GPX7: variants seen among roughly 807,000 people sequenced by gnomAD.
GPX7 encodes protein peroxidase GPX7.
In GPX7, 21 loss-of-function variants were observed where a neutral mutation model predicts 23.7. The ratio of observed to expected loss-of-function variants is 0.89; its 90% confidence interval spans 0.63 to 1.28. The LOEUF is 1.28. GPX7 is among the 50% of genes most tolerant of loss of function. The pLI, the probability that GPX7 is intolerant of heterozygous loss-of-function variation, is 0.00. For missense variants in GPX7, 238 were observed against 237.3 expected (o/e 1.00, Z -0.02); for synonymous variants, 112 against 101.8 (o/e 1.10, Z -0.61).
Position 52,602,428 on chromosome 1 carries a change from G to C in GPX7, c.19G>C (p.Ala7Pro). 2 of 1,519,388 alleles carry C rather than the reference G, an allele frequency of 1.3e-6. No individual in the cohort carries two copies. Among genetic ancestry groups the C allele is most frequent in the Non-Finnish European group, 1.8e-6 (2 of 1,136,966 alleles). The allele number at this position is 1,519,388 out of a possible 1,614,324, so 94.1% of individuals were successfully genotyped here. A position where few individuals can be genotyped will look rare whatever the true frequency, so the allele number is the denominator to read the frequency against. MVAATV[A>P]AAWLLLWAAA... ...ACAAGCCATGGTGGCGGCGACGGTG[G>C]CAGCGGCGTGGCTGCTCCTGTGGGC... Residue 7 changes from alanine to proline, a missense_variant, in exon 1 of 3, where the codon GCA (alanine) becomes CCA (proline). Coordinates refer to ENST00000361314, the MANE Select transcript of GPX7 (RefSeq NM_015696.5).
At position 52,602,427 on chromosome 1, in the gene GPX7, G is replaced by A; in HGVS notation, c.18G>A (p.Val6=). The A allele has an allele frequency of 1.3e-6, 2 of 1,519,174 alleles. No homozygotes were observed. The highest frequency in any genetic ancestry group is 2.5e-5 in the South Asian group (2 of 80,936). The allele number at this position is 1,519,174 out of a possible 1,614,324, so 94.1% of individuals were successfully genotyped here. Residue 6 remains valine (V), a synonymous_variant, in exon 1 of 3, where the codon GTG becomes GTA. Transcript: ENST00000361314. ...AACAAGCCATGGTGGCGGCGACGGTGGCAGCGGCGTGGCTGCTCCTGTGGG... is the reference window on the plus strand; with the variant it reads ...AACAAGCCATGGTGGCGGCGACGGTAGCAGCGGCGTGGCTGCTCCTGTGGG... MVAAT[V]AAAWLLLWAA...
At chr1:52,602,976 G>A (rs1432515866) in intron 1 of GPX7, among the ~76,000 whole-genome samples, 2 of 151,774 alleles carry the variant, frequency 1.3e-5, no homozygotes, top group Admixed American at 1.3e-4. Flanking sequence ...TGGCTGATTC[G>A]GAGTCCAGTG....
chr1:52,606,836 C>A lies in GPX7; in HGVS notation c.291C>A (p.Asn97Lys). ...NQFGQQEPDS[N>K]KEIESFARRT... ...TTGGCCAACAGGAGCCTGACAGCAA[C>A]AAGGAGATTGAGAGCTTTGCCCGCC... Residue 97 changes from asparagine (N) to lysine (K), a missense_variant, in exon 2 of 3, where the codon AAC becomes AAA. By Grantham distance (94) the Asn-to-Lys change is moderately conservative. Transcript: ENST00000361314. The A allele has an allele frequency of 5.6e-6, 9 of 1,614,224 alleles. No individual in the cohort carries two copies. Among genetic ancestry groups the A allele is most frequent in the Non-Finnish European group, 7.6e-6 (9 of 1,180,044 alleles).
chr1:52,608,626 G>A lies in GPX7; in HGVS notation c.*201G>A. The A allele has an allele frequency of 2.6e-6, 1 of 380,668 alleles. No homozygotes were observed. Among genetic ancestry groups the A allele is most frequent in the Non-Finnish European group, 4.7e-6 (1 of 214,348 alleles). The allele number at this position is 380,668 out of a possible 1,614,324, so 23.6% of individuals were successfully genotyped here. ...TTACAGCAACAAATAGGAACTCCTG[G>A]CCAATGAGAGCTCTTGACCAGTGAA... On this transcript the variant is annotated 3_prime_UTR_variant, in exon 3 of 3. Coordinates refer to ENST00000361314, the MANE Select transcript of GPX7 (RefSeq NM_015696.5).
chr1:52,602,719 C>T (rs1159572942), intron 1 of GPX7, among the ~76,000 whole-genome samples, 172 bp downstream of exon 1: 2 of 150,976 alleles, frequency 1.3e-5, no homozygotes, highest in African/African-American at 2.4e-5. Context: ...TGGCGCGGCG[C>T]CCCCATCCCG....
chr1:52,603,776 A>C (rs547560763), intron 1 of GPX7, among the ~76,000 whole-genome samples: 1 of 152,288 alleles, frequency 6.6e-6, no homozygotes, highest in East Asian at 1.9e-4. Flanking sequence ...CGTGAGTTTC[A>C]AATCAGATGA....
intron 1 of GPX7, among the ~76,000 whole-genome samples, chr1:52,604,830 G>T (rs1355613517): frequency 6.6e-6 from 1 of 152,014 alleles, no homozygotes; most frequent in Non-Finnish European, 1.5e-5. Context: ...GGATCACAAG[G>T]TGAGGAGTTC....
chr1:52,606,704 G>T lies in GPX7; in HGVS notation c.159G>T (p.Val53=). Residue 53 remains valine (V), a synonymous_variant, in exon 2 of 3, where the codon GTG becomes GTT. Transcript: ENST00000361314. ...YRGSVSLVVN[V]ASECGFTDQH... Reference sequence around the variant, plus strand: ...TACAGGTGTCCCTGGTGGTGAATGTGGCCAGCGAGTGCGGCTTCACAGACC... The same window carrying T: ...TACAGGTGTCCCTGGTGGTGAATGTTGCCAGCGAGTGCGGCTTCACAGACC... The T allele has an allele frequency of 6.2e-7, 1 of 1,613,800 alleles. No individual in the cohort carries two copies.
In GPX7 at chr1:52,606,917, T is replaced by A. The variant is rs1041952539; in HGVS notation, c.372T>A (p.Gly124=). 4 of 1,614,212 alleles carry A rather than the reference T, an allele frequency of 2.5e-6. No individual in the cohort carries two copies. Among genetic ancestry groups the A allele is most frequent in the Non-Finnish European group, 3.4e-6 (4 of 1,180,030 alleles). ...GCAAGATTGCAGTCACCGGTACTGG[T>A]GCCCATCCTGCCTTCAAGTACCTGG... is the stretch of plus-strand genomic sequence containing the variant. ...MFSKIAVTGT[G]AHPAFKYLAQ... is the part of the protein sequence containing the mutation. Residue 124 remains glycine, a synonymous_variant, in exon 2 of 3, where the codon GGT becomes GGA. Transcript: ENST00000361314.
In GPX7 at chr1:52,602,390, C is replaced by T; in HGVS notation, c.-20C>T. On this transcript the variant is annotated 5_prime_UTR_variant, in exon 1 of 3. Transcript: ENST00000361314. Reference sequence around the variant, plus strand: ...CGCCCCGTCTTTGCCCTCGCGACGCCGCCACCTCCGGAACAAGCCATGGTG... The same window carrying T: ...CGCCCCGTCTTTGCCCTCGCGACGCTGCCACCTCCGGAACAAGCCATGGTG... The T allele has an allele frequency of 6.8e-7, 1 of 1,460,864 alleles. No homozygotes were observed. Among genetic ancestry groups the T allele is most frequent in the Non-Finnish European group, 9.0e-7 (1 of 1,107,950 alleles). The allele number at this position is 1,460,864 out of a possible 1,614,324, so 90.5% of individuals were successfully genotyped here. A position where few individuals can be genotyped will look rare whatever the true frequency, so the allele number is the denominator to read the frequency against.
At chr1:52,605,002 G>A (rs1432601597) in intron 1 of GPX7, among the ~76,000 whole-genome samples, 2 of 140,454 alleles carry the variant, frequency 1.4e-5, no homozygotes, top group Non-Finnish European at 1.5e-5. Flanking sequence ...CCAAGATCGC[G>A]CCACTGCACT....
At chr1:52,602,731 G>C (rs1319107166) in intron 1 of GPX7, among the ~76,000 whole-genome samples, 184 bp downstream of exon 1, 1 of 150,890 alleles carries the variant, frequency 6.6e-6, no homozygotes, top group Non-Finnish European at 1.5e-5. Flanking sequence ...CCCATCCCGC[G>C]CCCGGCCCGG....
chr1:52,608,572 A>G lies in GPX7; in HGVS notation c.*147A>G. 1 of 559,826 alleles carries G rather than the reference A, an allele frequency of 1.8e-6. No homozygotes were observed. Among genetic ancestry groups the G allele is most frequent in the Non-Finnish European group, 2.8e-6 (1 of 355,740 alleles). 34.7% of individuals were successfully genotyped at this position (559,826 alleles called of 1,614,324 possible). A position where few individuals can be genotyped will look rare whatever the true frequency, so the allele number is the denominator to read the frequency against. On this transcript the variant is annotated 3_prime_UTR_variant, in exon 3 of 3. Transcript: ENST00000361314. Reference sequence around the variant, plus strand: ...TTGGTCCCATCATTCTTGTGGGGGAAAAATTCTAGTATTTTGATTATTTGA... The same window carrying G: ...TTGGTCCCATCATTCTTGTGGGGGAGAAATTCTAGTATTTTGATTATTTGA...
chr1:52,602,730 C>CGCCCG (rs949594947), intron 1 of GPX7, among the ~76,000 whole-genome samples, 183 bp downstream of exon 1: 23 of 151,144 alleles, frequency 1.5e-4, no homozygotes, highest in South Asian at 4.1e-4. Context: ...CCCCATCCCG[C>CGCCCG]GCCCGGCCCG....
In GPX7 at chr1:52,608,531, C is replaced by G; in HGVS notation, c.*106C>G. The G allele has an allele frequency of 1.1e-6, 1 of 945,262 alleles. No homozygotes were observed. The allele number at this position is 945,262 out of a possible 1,614,324, so 58.6% of individuals were successfully genotyped here. A position where few individuals can be genotyped will look rare whatever the true frequency, so the allele number is the denominator to read the frequency against. On this transcript the variant is annotated 3_prime_UTR_variant, in exon 3 of 3. Coordinates refer to ENST00000361314, the MANE Select transcript of GPX7 (RefSeq NM_015696.5). ...GGGAGAGACCCACTGACTCTCCTTC[C>G]TTTACTCTTATGCCATTGGTCCCAT...
chr1:52,606,762 G>T lies in GPX7; in HGVS notation c.217G>T (p.Asp73Tyr). The T allele has an allele frequency of 6.2e-7, 1 of 1,614,196 alleles. No homozygotes were observed. The highest frequency in any genetic ancestry group is 8.5e-7 in the Non-Finnish European group (1 of 1,180,024). The change falls in exon 2 of 3, where the codon GAC becomes TAC. Residue 73 changes from aspartate to tyrosine, a missense_variant. By Grantham distance (160) the Asp-to-Tyr change is radical (BLOSUM62 -3). Coordinates refer to ENST00000361314, the MANE Select transcript of GPX7 (RefSeq NM_015696.5). ...CCGAGCCCTGCAGCAGCTGCAGCGA[G>T]ACCTGGGCCCCCACCACTTTAACGT... ...HYRALQQLQR[D>Y]LGPHHFNVLA...
chr1:52,604,464 G>C (rs939412259), intron 1 of GPX7, among the ~76,000 whole-genome samples: 3 of 152,166 alleles, frequency 2.0e-5, no homozygotes, highest in African/African-American at 7.2e-5. Flanking sequence ...AGGCTAATTG[G>C]GACCATAGTC....
chr1:52,606,682 A>C lies in GPX7; in HGVS notation c.139-2A>C. On this transcript the variant is annotated splice_acceptor_variant, in intron 1 of 2. Transcript: ENST00000361314. LOFTEE classifies it high-confidence loss of function. ...TTGTTTTGTTTTGTTTCTGTCATAC[A>C]GGTGTCCCTGGTGGTGAATGTGGCC... is the stretch of plus-strand genomic sequence containing the variant. 1 of 1,612,428 alleles carries C rather than the reference A, an allele frequency of 6.2e-7. No homozygotes were observed. Among genetic ancestry groups the C allele is most frequent in the South Asian group, 1.1e-5 (1 of 91,062 alleles).
rs573190767 is a variant in GPX7, at chr1:52,608,538, C to CTTA, written c.*115_*117dup. 195 of 852,636 alleles carry CTTA rather than the reference C, an allele frequency of 2.3e-4. 1 individual carries two copies. The African/African-American group carries it at 2.8e-3, about 12-fold the overall frequency. The allele number at this position is 852,636 out of a possible 1,614,324, so 52.8% of individuals were successfully genotyped here. On this transcript the variant is annotated 3_prime_UTR_variant, in exon 3 of 3. Coordinates refer to ENST00000361314, the MANE Select transcript of GPX7 (RefSeq NM_015696.5). ...ACCCACTGACTCTCCTTCCTTTACTCTTATGCCATTGGTCCCATCATTCTT... is the reference window on the plus strand; with the variant it reads ...ACCCACTGACTCTCCTTCCTTTACTCTTATTATGCCATTGGTCCCATCATTCTT...
Sources: gnomAD v4.1 joint callset for allele counts (sites outside exome capture counted in the v4.1 genomes callset) on GRCh38, gnomAD v4.1.1 for gene constraint, MANE v1.5 for transcripts, NCBI Gene and HGNC (gene_info 2026-07-23, HGNC 2026-07-21) for gene names.